The following FGD4 variants were observed in gnomAD, a reference collection of about 807,000 sequenced individuals.
The protein encoded by FGD4 is FYVE, RhoGEF and PH domain containing 4, also known as FYVE, RhoGEF and PH domain-containing protein 4.
A neutral mutation model predicts 102.0 loss-of-function variants in FGD4; 42 were observed. The ratio of observed to expected loss-of-function variants is 0.41; its 90% CI spans 0.32 to 0.53. FGD4 has a LOEUF of 0.53. Ranked by LOEUF, FGD4 falls within the 20% of genes least tolerant of loss-of-function variation. The pLI is 0.21. For missense variants in FGD4, 902 were observed against 1,078.2 expected, an observed-to-expected ratio of 0.84 and a Z score of 2.29; for synonymous variants, 380 against 375.7, an observed-to-expected ratio of 1.01 and a Z score of -0.13.
chr12:32,530,936 C>CCTTGGTT, intron 1 of FGD4, among the ~76,000 whole-genome samples: 1 of 110,558 alleles, frequency 9.0e-6, no homozygotes, highest in African/African-American at 4.3e-5. Flanking sequence ...AGTTTCCTAG[C>CCTTGGTT]TTTGGTTTTT....
chr12:32,546,491 C>G (rs1034837653), intron 1 of FGD4, among the ~76,000 whole-genome samples: 4 of 152,266 alleles, frequency 2.6e-5, no homozygotes, highest in Non-Finnish European at 1.5e-5. Flanking sequence ...TTAACCAACC[C>G]TACTTTTATT....
chr12:32,558,327 G>C (rs1944280480), intron 1 of FGD4, among the ~76,000 whole-genome samples: 1 of 152,164 alleles, frequency 6.6e-6, no homozygotes, highest in Admixed American at 6.5e-5. Context: ...GTCTACCCTA[G>C]AAAACTGTGT....
intron 1 of FGD4, among the ~76,000 whole-genome samples, chr12:32,509,207 C>A (rs971885675): frequency 6.7e-6 from 1 of 149,798 alleles, no homozygotes; most frequent in East Asian, 2.0e-4. Flanking sequence ...TCGATCTGTT[C>A]TGGCTTCAAT....
At chr12:32,594,704 G>A (rs1947739044) in intron 4 of FGD4, among the ~76,000 whole-genome samples, 2 of 151,596 alleles carry the variant, frequency 1.3e-5, no homozygotes, top group Non-Finnish European at 2.9e-5. Context: ...AAATTTTACT[G>A]TTTATAAATT....
chr12:32,619,619 GAGA>G (rs1949676314), intron 10 of FGD4, 76 bp from the exon 11 acceptor site: 6 of 1,486,830 alleles, frequency 4.0e-6, no homozygotes, highest in Non-Finnish European at 4.7e-6. Flanking sequence ...GCAACAGAGT[GAGA>G]CTCTGTCTCA....
chr12:32,563,063 C>T (rs1166244560), intron 1 of FGD4, among the ~76,000 whole-genome samples: 2 of 147,896 alleles, frequency 1.4e-5, no homozygotes, highest in African/African-American at 4.9e-5. Context: ...CACCTCCCTC[C>T]CGGACGGGGC....
At chr12:32,572,683 T>C (rs1945771201) in intron 2 of FGD4, among the ~76,000 whole-genome samples, 1 of 152,230 alleles carries the variant, frequency 6.6e-6, no homozygotes, top group Non-Finnish European at 1.5e-5. Flanking sequence ...TGAATAATTG[T>C]CTATTTGATA....
At chr12:32,584,525 T>G (rs990411540) in intron 4 of FGD4, among the ~76,000 whole-genome samples, 2 of 152,184 alleles carry the variant, frequency 1.3e-5, no homozygotes. Flanking sequence ...TCAATAATTC[T>G]TTGTGTGTTT....
intron 1 of FGD4, chr12:32,485,871 A>G (rs1370758874): frequency 5.6e-6 from 7 of 1,240,546 alleles, no homozygotes; most frequent in Non-Finnish European, 7.1e-6. Context: ...TACATTTTGA[A>G]ACACCTTCGT....
At chr12:32,554,213 TTCTGG>T in intron 1 of FGD4, among the ~76,000 whole-genome samples, 1 of 152,366 alleles carries the variant, frequency 6.6e-6, no homozygotes, top group East Asian at 1.9e-4. Flanking sequence ...ACCAATCTGC[TTCTGG>T]GTTGTGAAAA....
At chr12:32,452,115 T>G (rs905960484) in intron 1 of FGD4, among the ~76,000 whole-genome samples, 1 of 152,202 alleles carries the variant, frequency 6.6e-6, no homozygotes, top group African/African-American at 2.4e-5. Flanking sequence ...CATGCTGACT[T>G]TAAAGTTCTT....
chr12:32,502,670 C>T (rs989096041), intron 1 of FGD4, among the ~76,000 whole-genome samples: 5 of 152,134 alleles, frequency 3.3e-5, no homozygotes, highest in African/African-American at 9.7e-5. Flanking sequence ...TGGCCCCAAA[C>T]GTGTTCAATG....
Position 32,422,288 on chromosome 12 carries a change from C to CTTTTTTTTTTTTTTTTTTTTTTTT in FGD4, c.166+22334_166+22357dup, listed in dbSNP as rs770560590. Among the ~76,000 whole-genome samples the CTTTTTTTTTTTTTTTTTTTTTTTT allele has an allele frequency of 7.0e-4, 38 of 54,174 alleles. 8 individuals carry two copies. The highest frequency in any genetic ancestry group is 9.9e-4 in the Non-Finnish European group (30 of 30,242). The allele number at this position is 54,174 out of a possible 152,430, so 35.5% of individuals were successfully genotyped here. A position where few individuals can be genotyped will look rare whatever the true frequency, so the allele number is the denominator to read the frequency against. On this transcript the variant is annotated intron_variant, in intron 1 of 16. Transcript: ENST00000534526. The stretch of plus-strand genomic sequence containing the variant: ...TTGAAGCATCTCAAATTGGGAGCTG[C>CTTTTTTTTTTTTTTTTTTTTTTTT]TTTTTTTTTTTTTTTTTTTTTTTTT...
At chr12:32,573,303 G>A (rs1237015394) in intron 2 of FGD4, among the ~76,000 whole-genome samples, 10 of 152,192 alleles carry the variant, frequency 6.6e-5, no homozygotes, top group African/African-American at 9.6e-5. Flanking sequence ...CACCGTGTTA[G>A]CCAGGTTGGT....
At chr12:32,530,953 T>G (rs891819772) in intron 1 of FGD4, among the ~76,000 whole-genome samples, 5 of 129,292 alleles carry the variant, frequency 3.9e-5, no homozygotes, top group East Asian at 2.2e-4. Context: ...TTTTTTTTTT[T>G]TTTTTTTTTT....
chr12:32,542,055 G>T lies in FGD4; in HGVS notation c.167-22082G>T, dbSNP rs145705156. 6.0e-3 allele frequency among the ~76,000 whole-genome samples: 915 copies of T among 152,262 alleles called. 7 individuals carry two copies. The highest frequency in any genetic ancestry group is 0.02 in the African/African-American group (845 of 41,548). ...CCTTGGAACAAATGATAGTGTTGGT[G>T]CATTTAAAGTAGCAGCTTTTGGGTG... On this transcript the variant is annotated intron_variant, in intron 1 of 16. Coordinates refer to ENST00000534526, the MANE Select transcript of FGD4 (RefSeq NM_001370298.3).
At chr12:32,550,999 GA>G (rs1943624043) in intron 1 of FGD4, among the ~76,000 whole-genome samples, 1 of 152,108 alleles carries the variant, frequency 6.6e-6, no homozygotes, top group Admixed American at 6.5e-5. Flanking sequence ...ATTCATACTT[GA>G]TATACAAGGT....
chr12:32,502,904 T>A (rs1254596443), intron 1 of FGD4, among the ~76,000 whole-genome samples: 1 of 152,160 alleles, frequency 6.6e-6, no homozygotes, highest in Non-Finnish European at 1.5e-5. Context: ...GCAGGCACCG[T>A]GGTAAAGGAA....
At chr12:32,588,705 G>A (rs1007214943) in intron 4 of FGD4, among the ~76,000 whole-genome samples, 1 of 152,202 alleles carries the variant, frequency 6.6e-6, no homozygotes, top group African/African-American at 2.4e-5. Context: ...GAGTGGCCTG[G>A]AATTCAAGAA....
Sources: allele counts gnomAD v4.1 joint callset (sites outside exome capture counted in the v4.1 genomes callset), GRCh38; gene constraint gnomAD v4.1.1; transcripts MANE v1.5; gene names NCBI Gene and HGNC (gene_info 2026-07-23, HGNC 2026-07-21).